Variants in PLG observed in about 807,000 individuals in gnomAD.
PLG encodes the protein plasminogen.
PLG carries 41 observed loss-of-function variants against 104.4 expected under a neutral mutation model. The ratio of observed to expected loss-of-function variants is 0.39; its 90% CI spans 0.31 to 0.51. PLG has a LOEUF of 0.51. Ranked by LOEUF, PLG falls within the 20% of genes least tolerant of loss-of-function variation. The pLI, the probability that PLG is intolerant of heterozygous loss-of-function variation, is 0.76. For missense variants in PLG, 891 were observed against 1,003.6 expected (o/e 0.89, Z 1.52); for synonymous variants, 337 against 357.1 (o/e 0.94, Z 0.63).
At position 160,707,740 on chromosome 6, in the gene PLG, A is replaced by G; in HGVS notation, c.226A>G (p.Met76Val). The G allele has an allele frequency of 3.1e-6, 5 of 1,611,536 alleles. No individual in the cohort carries two copies. Among genetic ancestry groups the G allele is most frequent in the Non-Finnish European group, 4.2e-6 (5 of 1,179,434 alleles). Residue 76 changes from methionine (M) to valine (V), a missense_variant, in exon 3 of 19, where the codon ATG (methionine) becomes GTG (valine). This residue lies in a region of PLG where 854 missense variants were observed against 932.1 expected (regional missense o/e 0.92). Coordinates refer to ENST00000308192, the MANE Select transcript of PLG (RefSeq NM_000301.5). ...CAGTAAAGAGCAACAATGTGTGATAATGGCTGAAAACAGGAAGTCCTCCAT... is the reference window on the plus strand; with the variant it reads ...CAGTAAAGAGCAACAATGTGTGATAGTGGCTGAAAACAGGAAGTCCTCCAT... ...YHSKEQQCVI[M>V]AENRKSSIII... is the part of the protein sequence containing the mutation.
intron 17 of PLG, among the ~76,000 whole-genome samples, chr6:160,750,776 G>A (rs753711165): frequency 1.1e-4 from 16 of 152,090 alleles, no homozygotes; most frequent in Middle Eastern, 3.4e-3. Flanking sequence ...TGTCATGCTC[G>A]CAAAGCAAAG....
Position 160,753,577 on chromosome 6 carries a change from T to C in PLG, c.*516T>C, listed in dbSNP as rs185993564. ...GGAGTCATGCAAACCGATTCTGTTA[T>C]TGGGAATGAAATCTGTCACCGACTG... On this transcript the variant is annotated 3_prime_UTR_variant, in exon 19 of 19. Coordinates refer to ENST00000308192, the MANE Select transcript of PLG (RefSeq NM_000301.5). The surrounding 1 kb of genome is among the most constrained non-coding windows in gnomAD (Gnocchi z 5.4). Among the ~76,000 whole-genome samples the C allele has an allele frequency of 1.1e-3, 173 of 152,276 alleles. 1 individual carries two copies. Among genetic ancestry groups the C allele is most frequent in the African/African-American group, 3.9e-3 (162 of 41,548 alleles).
Position 160,726,630 on chromosome 6 carries a change from G to A in PLG, c.1256+4063G>A, listed in dbSNP as rs1352702211. On this transcript the variant is annotated intron_variant, in intron 10 of 18. Transcript: ENST00000308192. The surrounding 1 kb of genome is among the most constrained non-coding windows in gnomAD (Gnocchi z 4.4). Reference sequence around the variant, plus strand: ...ATTTGCTATTTCACTTTTATTTCCTGATAAGTGTACAGTGGAGTTTTCCAG... The same window carrying A: ...ATTTGCTATTTCACTTTTATTTCCTAATAAGTGTACAGTGGAGTTTTCCAG... Among the ~76,000 whole-genome samples, 1 of 151,716 alleles carries A rather than the reference G, an allele frequency of 6.6e-6. No homozygotes were observed. The highest frequency in any genetic ancestry group is 2.1e-4 in the South Asian group (1 of 4,806).
chr6:160,749,583 TCCA>T (rs938809396), intron 17 of PLG, among the ~76,000 whole-genome samples: 8 of 136,824 alleles, frequency 5.8e-5, no homozygotes, highest in African/African-American at 2.3e-4. Flanking sequence ...TCACCACCAT[TCCA>T]CCACCATCAC....
chr6:160,738,511 A>G lies in PLG; in HGVS notation c.1803-27A>G, dbSNP rs1169987726. 7.0e-7 allele frequency: 1 copy of G among 1,429,840 alleles called. No individual in the cohort carries two copies. Among genetic ancestry groups the G allele is most frequent in the Non-Finnish European group, 9.9e-7 (1 of 1,011,640 alleles). 88.6% of individuals were successfully genotyped at this position (1,429,840 alleles called of 1,614,324 possible). Reference sequence around the variant, plus strand: ...AGCAGAACAAAGTATCAATTTAACTAAAATTTGAACTAAATCCTCTTTCCA... The same window carrying G: ...AGCAGAACAAAGTATCAATTTAACTGAAATTTGAACTAAATCCTCTTTCCA... On this transcript the variant is annotated intron_variant, in intron 14 of 18. Coordinates refer to ENST00000308192, the MANE Select transcript of PLG (RefSeq NM_000301.5). The surrounding 1 kb of genome is among the most constrained non-coding windows in gnomAD (Gnocchi z 6.8).
chr6:160,742,497 GT>G (rs199720182), intron 17 of PLG, among the ~76,000 whole-genome samples: 10,365 of 149,214 alleles, frequency 0.069, 580 homozygotes, highest in East Asian at 0.28. Context: ...TTTTAATGGG[GT>G]TTTTTTTTTC....
At chr6:160,715,137 T>C (rs1777708955) in intron 6 of PLG, among the ~76,000 whole-genome samples, 1 of 152,202 alleles carries the variant, frequency 6.6e-6, no homozygotes, top group Non-Finnish European at 1.5e-5. Context: ...TGAGAGTTTG[T>C]TAGAAATCCA....
At chr6:160,733,087 C>T (rs1778024873) in intron 12 of PLG, among the ~76,000 whole-genome samples, 1 of 152,118 alleles carries the variant, frequency 6.6e-6, no homozygotes, top group Non-Finnish European at 1.5e-5. Context: ...TTCATTCAAA[C>T]AAAAGATGCT....
At chr6:160,712,042 A>T in intron 4 of PLG, 4 of 505,226 alleles carry the variant, frequency 7.9e-6, no homozygotes, top group Non-Finnish European at 1.1e-5. Flanking sequence ...CACTCAACAA[A>T]TTGCCTTTGC....
In PLG at chr6:160,713,016, A is replaced by T; in HGVS notation, c.438A>T (p.Gly146=). 1 of 1,608,012 alleles carries T rather than the reference A, an allele frequency of 6.2e-7. No individual in the cohort carries two copies. The highest frequency in any genetic ancestry group is 8.5e-7 in the Non-Finnish European group (1 of 1,176,300). The change falls in exon 5 of 19, where the codon GGA becomes GGT. Residue 146 remains glycine (G), a synonymous_variant. Coordinates refer to ENST00000308192, the MANE Select transcript of PLG (RefSeq NM_000301.5). ...CACCTGCTACACACCCCTCAGAGGGACTGGAGGAGAACTACTGCAGGAATC... is the reference window on the plus strand; with the variant it reads ...CACCTGCTACACACCCCTCAGAGGGTCTGGAGGAGAACTACTGCAGGAATC... ...RFSPATHPSE[G]LEENYCRNPD...
chr6:160,721,043 T>C (rs951153219), intron 9 of PLG, among the ~76,000 whole-genome samples: 1 of 152,228 alleles, frequency 6.6e-6, no homozygotes. Flanking sequence ...ATTATGACTT[T>C]TTTTCTAGCA....
In PLG at chr6:160,736,063, TATTAAC is replaced by T. The variant is rs2115177513; in HGVS notation, c.1682-820_1682-815del. Among the ~76,000 whole-genome samples, 1 of 152,312 alleles carries T rather than the reference TATTAAC, an allele frequency of 6.6e-6. No homozygotes were observed. The highest frequency in any genetic ancestry group is 2.4e-5 in the African/African-American group (1 of 41,570). On this transcript the variant is annotated intron_variant, in intron 13 of 18. Coordinates refer to ENST00000308192, the MANE Select transcript of PLG (RefSeq NM_000301.5). This position sits in a 1 kb window ranked among gnomAD's most constrained non-coding sequence, Gnocchi z 5.2. ...TAATTGTATGAACAATTATTTAAAA[TATTAAC>T]ATTTACATTTGTGAAGACCTTGAAG...
At chr6:160,720,125 A>G (rs955347182) in intron 9 of PLG, among the ~76,000 whole-genome samples, 2 of 152,154 alleles carry the variant, frequency 1.3e-5, no homozygotes, top group Non-Finnish European at 2.9e-5. Flanking sequence ...ATTTTGCTGA[A>G]TGTAGATACT....
chr6:160,733,177 A>T (rs1278261261), intron 12 of PLG, among the ~76,000 whole-genome samples: 1 of 152,216 alleles, frequency 6.6e-6, no homozygotes, highest in East Asian at 1.9e-4. Context: ...TACGTTTCTT[A>T]TTCTACCACA....
At chr6:160,728,619 T>C (rs1046215500) in intron 10 of PLG, among the ~76,000 whole-genome samples, 1 of 152,134 alleles carries the variant, frequency 6.6e-6, no homozygotes, top group Non-Finnish European at 1.5e-5. Context: ...ATTTAGTTTC[T>C]AGGTAGGTGA....
rs1554252983 is a variant in PLG at position 160,748,417 on chromosome 6, G to GAAA, written c.2126-3698_2126-3697insAAA. Among the ~76,000 whole-genome samples, 305 of 62,066 alleles carry GAAA rather than the reference G, an allele frequency of 4.9e-3. 63 individuals are homozygous for GAAA. Among genetic ancestry groups the GAAA allele is most frequent in the East Asian group, 0.028 (39 of 1,370 alleles). 40.7% of individuals were successfully genotyped at this position (62,066 alleles called of 152,430 possible). On this transcript the variant is annotated intron_variant, in intron 17 of 18. Transcript: ENST00000308192. Reference sequence around the variant, plus strand: ...GAAAGAAAGGAAGAAAGAAAGAAAGGGAAAGAAAGAGAACGAAAGAAAGAA... The same window carrying GAAA: ...GAAAGAAAGGAAGAAAGAAAGAAAGGAAAGAAAGAAAGAGAACGAAAGAAAGAA...
At chr6:160,743,068 G>C (rs1778222652) in intron 17 of PLG, among the ~76,000 whole-genome samples, 4 of 148,772 alleles carry the variant, frequency 2.7e-5, no homozygotes, top group African/African-American at 9.9e-5. Context: ...TAGCCCTGAA[G>C]TATAGTTTGA....
Position 160,725,202 on chromosome 6 carries a change from G to A in PLG, c.1256+2635G>A, listed in dbSNP as rs976775887. ...TACGGTCCAACCTGGGTGACAGAGC[G>A]AGACTCAAAACAAACAAACAAACAA... On this transcript the variant is annotated intron_variant, in intron 10 of 18. Transcript: ENST00000308192. The surrounding 1 kb of genome is among the most constrained non-coding windows in gnomAD (Gnocchi z 6.3). Among the ~76,000 whole-genome samples, 6 of 152,004 alleles carry A rather than the reference G, an allele frequency of 3.9e-5. No individual in the cohort carries two copies. Among genetic ancestry groups the A allele is most frequent in the Non-Finnish European group, 7.4e-5 (5 of 68,014 alleles).
At position 160,725,229 on chromosome 6, in the gene PLG, CA is replaced by C. The variant is rs1265971259; in HGVS notation, c.1256+2665del. On this transcript the variant is annotated intron_variant, in intron 10 of 18. Coordinates refer to ENST00000308192, the MANE Select transcript of PLG (RefSeq NM_000301.5). This position sits in a 1 kb window ranked among gnomAD's most constrained non-coding sequence, Gnocchi z 6.3. ...GACTCAAAACAAACAAACAAACAAACAAACAAAAAGATAATAATTTACTACT... is the reference window on the plus strand; with the variant it reads ...GACTCAAAACAAACAAACAAACAAACAACAAAAAGATAATAATTTACTACT... 1.3e-5 allele frequency among the ~76,000 whole-genome samples: 2 copies of C among 151,810 alleles called. No individual in the cohort carries two copies. Among genetic ancestry groups the C allele is most frequent in the Admixed American group, 6.6e-5 (1 of 15,224 alleles).
Sources: allele counts gnomAD v4.1 joint callset (sites outside exome capture counted in the v4.1 genomes callset), GRCh38; gene constraint gnomAD v4.1.1; regional missense constraint gnomAD v4.1.1; non-coding constraint Gnocchi (gnomAD v3.1); transcripts MANE v1.5; gene names NCBI Gene and HGNC (gene_info 2026-07-23, HGNC 2026-07-21).